Variants in TELO2 observed in about 807,000 individuals in gnomAD.
TELO2 encodes telomere maintenance 2, also known as telomere length regulation protein TEL2 homolog.
A neutral mutation model predicts 91.0 loss-of-function variants in TELO2; 71 were observed. That is an observed-to-expected ratio of 0.78 (90% CI 0.64 to 0.95). The LOEUF is 0.95. TELO2 is among the 40% of genes least tolerant of loss of function. The pLI, the probability that TELO2 is intolerant of heterozygous loss-of-function variation, is 0.00. For missense variants in TELO2, 1,183 were observed against 1,141.3 expected, an observed-to-expected ratio of 1.04 and a Z score of -0.53; for synonymous variants, 584 against 518.9, an observed-to-expected ratio of 1.13 and a Z score of -1.71.
rs372624688 is a variant in TELO2 at position 1,497,003 on chromosome 16, G to T, written c.614-33G>T. On this transcript the variant is annotated intron_variant, in intron 3 of 20. Transcript: ENST00000262319. The surrounding 1 kb of genome is among the most constrained non-coding windows in gnomAD (Gnocchi z 4.0). ...AGATGTTCTTTTGTGCCTTCCCGCCGGCTTCCTCATCAGGCCTCCCTTTCT... is the reference window on the plus strand; with the variant it reads ...AGATGTTCTTTTGTGCCTTCCCGCCTGCTTCCTCATCAGGCCTCCCTTTCT... 3.1e-6 allele frequency: 5 copies of T among 1,610,126 alleles called. No homozygotes were observed. Among genetic ancestry groups the T allele is most frequent in the Non-Finnish European group, 4.2e-6 (5 of 1,177,462 alleles).
rs373217534 is a variant in TELO2 at position 1,507,725 on chromosome 16, C to T, written c.2407+9C>T. The T allele has an allele frequency of 1.9e-4, 298 of 1,596,580 alleles. No individual in the cohort carries two copies. The highest frequency in any genetic ancestry group is 2.4e-4 in the Non-Finnish European group (279 of 1,177,588). On this transcript the variant is annotated intron_variant, in intron 20 of 20. Transcript: ENST00000262319. ...CCGGTCCTGGCTGGCGGGTGAGTGT[C>T]GGCCTGCGGTGTGTGTGTGAGATGT...
Position 1,497,060 on chromosome 16 carries a change from T to C in TELO2, c.638T>C (p.Phe213Ser). The change falls in exon 4 of 21, where the codon TTC becomes TCC. Residue 213 changes from phenylalanine (F) to serine (S), a missense_variant. By Grantham distance (155) the Phe-to-Ser change is radical. Coordinates refer to ENST00000262319, the MANE Select transcript of TELO2 (RefSeq NM_016111.4). This position sits in a 1 kb window ranked among gnomAD's most constrained non-coding sequence, Gnocchi z 4.0. ...LQGGLDSSVS[F>S]VSQVLGKACV... ...GGTGGCCTGGATTCCTCCGTGTCCT[T>C]CGTGTCTCAGGTCCTTGGGAAAGCC... The C allele has an allele frequency of 6.2e-7, 1 of 1,614,028 alleles. No homozygotes were observed. The highest frequency in any genetic ancestry group is 1.7e-4 in the Middle Eastern group (1 of 6,060).
At chr16:1,501,272 T>C in intron 9 of TELO2, 148 bp from the exon 10 acceptor site, 1 of 828,608 alleles carries the variant, frequency 1.2e-6, no homozygotes, top group Non-Finnish European at 1.9e-6. Context: ...AAGTCGCTTT[T>C]AAAAAGACAC....
rs541194247 is a variant in TELO2 at position 1,510,327 on chromosome 16, G to A, written c.*391G>A. On this transcript the variant is annotated 3_prime_UTR_variant, in exon 21 of 21. Transcript: ENST00000262319. ...GAGCAGCTCTTGTCCCAGGTCCCTC[G>A]GGCTGAGCGCCGTGTCACCAGGAGA... The A allele has an allele frequency of 2.1e-3, 535 of 250,548 alleles. 1 individual carries two copies. Among genetic ancestry groups the A allele is most frequent in the Admixed American group, 3.6e-3 (71 of 19,506 alleles). 15.5% of individuals were successfully genotyped at this position (250,548 alleles called of 1,614,324 possible). A position where few individuals can be genotyped will look rare whatever the true frequency, so the allele number is the denominator to read the frequency against.
At chr16:1,495,782 A>G (rs910185864) in intron 3 of TELO2, among the ~76,000 whole-genome samples, 159 bp downstream of exon 3, 4 of 152,268 alleles carry the variant, frequency 2.6e-5, no homozygotes, top group African/African-American at 4.8e-5. Flanking sequence ...AGTGACCGGC[A>G]GGGCTCATCC....
rs935896831 is a variant in TELO2 at position 1,493,756 on chromosome 16, G to A, written c.-37+151G>A. 1.3e-5 allele frequency among the ~76,000 whole-genome samples: 2 copies of A among 152,246 alleles called. No homozygotes were observed. The highest frequency in any genetic ancestry group is 2.9e-5 in the Non-Finnish European group (2 of 68,042). ...GGGCCTGGATCGGGGGCGGGTCCGC[G>A]TGCGGCTCCTCTAGCCCCGAACCCG... On this transcript the variant is annotated intron_variant, in intron 1 of 20. Transcript: ENST00000262319. The surrounding 1 kb of genome is among the most constrained non-coding windows in gnomAD (Gnocchi z 4.3).
At chr16:1,496,051 C>T (rs561546934) in intron 3 of TELO2, among the ~76,000 whole-genome samples, 9 of 152,366 alleles carry the variant, frequency 5.9e-5, no homozygotes, top group East Asian at 1.9e-4. Flanking sequence ...CGCGAGTGTG[C>T]GTTTCACTAG....
chr16:1,495,069 A>G (rs903041523), intron 2 of TELO2, among the ~76,000 whole-genome samples: 1 of 152,242 alleles, frequency 6.6e-6, no homozygotes, highest in Non-Finnish European at 1.5e-5. Flanking sequence ...CTGTGATCAA[A>G]GCAAGCACTG....
chr16:1,500,823 T>C, intron 9 of TELO2, 124 bp downstream of exon 9: 1 of 1,428,542 alleles, frequency 7.0e-7, no homozygotes, highest in East Asian at 2.5e-5. Flanking sequence ...CCGTGTGGAC[T>C]TCTCGCAGGG....
At chr16:1,499,379 G>A (rs947224120) in intron 6 of TELO2, 46 bp downstream of exon 6, 1 of 1,593,880 alleles carries the variant, frequency 6.3e-7, no homozygotes, top group Admixed American at 1.7e-5. Flanking sequence ...CCCCATCACA[G>A]CAAGAATGGC....
chr16:1,503,781 G>A (rs1286991591), intron 15 of TELO2, among the ~76,000 whole-genome samples: 4 of 152,154 alleles, frequency 2.6e-5, no homozygotes, highest in Non-Finnish European at 4.4e-5. Flanking sequence ...GAGGGCGGAG[G>A]TGATGGTTGC....
chr16:1,495,584 G>GTCGT lies in TELO2; in HGVS notation c.575_578dup (p.Val195ProfsTer86). 1 of 1,607,794 alleles carries GTCGT rather than the reference G, an allele frequency of 6.2e-7. No homozygotes were observed. Among genetic ancestry groups the GTCGT allele is most frequent in the South Asian group, 1.1e-5 (1 of 90,980 alleles). On this transcript the variant is annotated frameshift_variant, in exon 3 of 21. Coordinates refer to ENST00000262319, the MANE Select transcript of TELO2 (RefSeq NM_016111.4). LOFTEE classifies it high-confidence loss of function. ...CTACTTCCGCCTGCTCGGCGAGGAG[G>GTCGT]TCGTCCGGGTGCTGCAGGCGGTTGT...
At position 1,500,617 on chromosome 16, in the gene TELO2, C is replaced by A. The variant is rs776139039; in HGVS notation, c.1199C>A (p.Pro400His). 2.5e-6 allele frequency: 4 copies of A among 1,612,238 alleles called. No homozygotes were observed. Among genetic ancestry groups the A allele is most frequent in the Non-Finnish European group, 3.4e-6 (4 of 1,179,776 alleles). Residue 400 changes from proline to histidine, a missense_variant, in exon 9 of 21, where the codon CCC (proline) becomes CAC (histidine). Physicochemically the swap from Pro to His is moderately conservative, Grantham distance 77. Transcript: ENST00000262319. ...AAGTGCCGCCTGGACAGTAGCCTGCCCCCCGTGCGACGCCTGGGCATGATC... is the reference window on the plus strand; with the variant it reads ...AAGTGCCGCCTGGACAGTAGCCTGCACCCCGTGCGACGCCTGGGCATGATC... Reference protein sequence around the residue: ...GVKCRLDSSLPPVRRLGMIVA... With the variant: ...GVKCRLDSSLHPVRRLGMIVA...
At chr16:1,506,196 C>A in intron 16 of TELO2, 42 bp from the exon 17 acceptor site, 1 of 1,607,612 alleles carries the variant, frequency 6.2e-7, no homozygotes, top group Non-Finnish European at 8.5e-7. Context: ...TGCCCGCTGC[C>A]CAAGCCTGCA....
chr16:1,499,140 G>GGCC, intron 5 of TELO2, 91 bp from the exon 6 acceptor site: 3 of 1,363,702 alleles, frequency 2.2e-6, no homozygotes, highest in Non-Finnish European at 3.1e-6. Context: ...CCGGGAGTCA[G>GGCC]GCCGCCGTCT....
chr16:1,499,350 G>A lies in TELO2; in HGVS notation c.933+17G>A. Reference sequence around the variant, plus strand: ...CGGCTCACGGTGAGGACGCCACGGAGGGTGCAGGCTGCTGGCTGCCCCATC... The same window carrying A: ...CGGCTCACGGTGAGGACGCCACGGAAGGTGCAGGCTGCTGGCTGCCCCATC... On this transcript the variant is annotated intron_variant, in intron 6 of 20. Coordinates refer to ENST00000262319, the MANE Select transcript of TELO2 (RefSeq NM_016111.4). The A allele has an allele frequency of 6.2e-7, 1 of 1,613,084 alleles. No homozygotes were observed. Among genetic ancestry groups the A allele is most frequent in the Non-Finnish European group, 8.5e-7 (1 of 1,179,360 alleles).
At position 1,501,709 on chromosome 16, in the gene TELO2, G is replaced by A. The variant is rs752263174; in HGVS notation, c.1408G>A (p.Ala470Thr). 26 of 1,612,816 alleles carry A rather than the reference G, an allele frequency of 1.6e-5. No individual in the cohort carries two copies. Among genetic ancestry groups the A allele is most frequent in the South Asian group, 2.2e-5 (2 of 91,052 alleles). Reference protein sequence around the residue: ...ATAEPPAETPAEIVDGGVPQA... With the variant: ...ATAEPPAETPTEIVDGGVPQA... ...GGCAGAGCCCCCTGCAGAGACCCCCGCAGAGATCGTGGATGGCGGCGTCCC... is the reference window on the plus strand; with the variant it reads ...GGCAGAGCCCCCTGCAGAGACCCCCACAGAGATCGTGGATGGCGGCGTCCC... The change falls in exon 11 of 21, where the codon GCA becomes ACA. Residue 470 changes from alanine (A) to threonine (T), a missense_variant. Physicochemically the swap from Ala to Thr is moderately conservative, Grantham distance 58. Coordinates refer to ENST00000262319, the MANE Select transcript of TELO2 (RefSeq NM_016111.4).
chr16:1,493,779 C>T lies in TELO2; in HGVS notation c.-37+174C>T, dbSNP rs1329190139. On this transcript the variant is annotated intron_variant, in intron 1 of 20. Transcript: ENST00000262319. This position sits in a 1 kb window ranked among gnomAD's most constrained non-coding sequence, Gnocchi z 4.3. Reference sequence around the variant, plus strand: ...GCGTGCGGCTCCTCTAGCCCCGAACCCGTGTTCCCCGTAAGCTGTTGGTTT... The same window carrying T: ...GCGTGCGGCTCCTCTAGCCCCGAACTCGTGTTCCCCGTAAGCTGTTGGTTT... 6.6e-6 allele frequency among the ~76,000 whole-genome samples: 1 copy of T among 152,220 alleles called. No individual in the cohort carries two copies.
In TELO2 at chr16:1,505,410, G is replaced by A; in HGVS notation, c.1843G>A (p.Val615Met). Residue 615 changes from valine to methionine, a missense_variant and splice_region_variant, in exon 16 of 21, where the codon GTG (valine) becomes ATG (methionine). By Grantham distance (21) the Val-to-Met change is conservative. Coordinates refer to ENST00000262319, the MANE Select transcript of TELO2 (RefSeq NM_016111.4). The surrounding 1 kb of genome is among the most constrained non-coding windows in gnomAD (Gnocchi z 4.3). ...CGGCCCTGGGCCTGTCTCCCTCCAG[G>A]TGCTGACTCTGGCTGCCCAGGAGCT... ...SLRQRMDILD[V>M]LTLAAQELSR... 6.2e-7 allele frequency: 1 copy of A among 1,608,386 alleles called. No homozygotes were observed. The highest frequency in any genetic ancestry group is 8.5e-7 in the Non-Finnish European group (1 of 1,176,356).
Sources: allele counts gnomAD v4.1 joint callset (sites outside exome capture counted in the v4.1 genomes callset), GRCh38; gene constraint gnomAD v4.1.1; non-coding constraint Gnocchi (gnomAD v3.1); transcripts MANE v1.5; gene names NCBI Gene and HGNC (gene_info 2026-07-23, HGNC 2026-07-21).